The following GALNTL6 variants were observed in gnomAD, a reference collection of about 807,000 sequenced individuals.
GALNTL6 encodes polypeptide N-acetylgalactosaminyltransferase-like 6.
A neutral mutation model predicts 73.7 loss-of-function variants in GALNTL6; 46 were observed. That is an observed-to-expected ratio of 0.62 (90% CI 0.49 to 0.80). The LOEUF (loss-of-function observed/expected upper bound fraction) is 0.80, where lower values mean the gene tolerates loss of function less well. Ranked by LOEUF, GALNTL6 falls within the 30% of genes least tolerant of loss-of-function variation. The probability of loss-of-function intolerance (pLI) is 0.00; values close to 1 mark genes in which losing one functional copy is unlikely to be tolerated. For synonymous variants in GALNTL6, 259 were observed against 263.7 expected, an observed-to-expected ratio of 0.98 and a Z score of 0.17; for missense variants, 604 against 755.0, an observed-to-expected ratio of 0.80 and a Z score of 2.34.
At chr4:172,445,257 T>C (rs1731978846) in intron 5 of GALNTL6, among the ~76,000 whole-genome samples, 1 of 152,154 alleles carries the variant, frequency 6.6e-6, no homozygotes, top group South Asian at 2.1e-4. Flanking sequence ...TACAAGAAGG[T>C]TCCCATTTCC....
Position 171,989,972 on chromosome 4 carries a change from G to T in GALNTL6, c.138+175254G>T, listed in dbSNP as rs184560244. 5.8e-3 allele frequency among the ~76,000 whole-genome samples: 880 copies of T among 152,208 alleles called. 4 individuals carry two copies. The highest frequency in any genetic ancestry group is 0.02 in the African/African-American group (825 of 41,520). ...CCAGCCACCTTTTTAAGAGCAAATT[G>T]CTGGGCAGGTGGGGGAGGGCTAGTC... On this transcript the variant is annotated intron_variant, in intron 2 of 12. Coordinates refer to ENST00000506823, the MANE Select transcript of GALNTL6 (RefSeq NM_001034845.3).
At chr4:172,208,030 A>G (rs147374929) in intron 2 of GALNTL6, among the ~76,000 whole-genome samples, 65 of 152,346 alleles carry the variant, frequency 4.3e-4, no homozygotes, top group Middle Eastern at 3.4e-3. Context: ...GGAACCGAGT[A>G]TTAGTGGGAG....
chr4:172,547,621 A>G (rs527359777), intron 5 of GALNTL6, among the ~76,000 whole-genome samples: 1 of 152,260 alleles, frequency 6.6e-6, no homozygotes, highest in African/African-American at 2.4e-5. Context: ...TTCCTCCTGA[A>G]GACAATCTCA....
chr4:172,691,918 A>G (rs1733327453), intron 5 of GALNTL6, among the ~76,000 whole-genome samples: 1 of 152,228 alleles, frequency 6.6e-6, no homozygotes, highest in African/African-American at 2.4e-5. Context: ...ACCTTTACAT[A>G]AAGCCTGAAA....
intron 2 of GALNTL6, among the ~76,000 whole-genome samples, chr4:171,985,629 C>CTGT (rs1740048515): frequency 6.6e-6 from 1 of 152,014 alleles, no homozygotes; most frequent in African/African-American, 2.4e-5. Context: ...AAACAAAACC[C>CTGT]ACTACATGTT....
At chr4:172,520,377 C>T (rs1734737577) in intron 5 of GALNTL6, among the ~76,000 whole-genome samples, 1 of 151,926 alleles carries the variant, frequency 6.6e-6, no homozygotes, top group Admixed American at 6.6e-5. Flanking sequence ...CACTAGACAA[C>T]TGTTAATGGA....
rs141647230 is a variant in GALNTL6, at chr4:172,223,799, C to T, written c.139-5857C>T. Among the ~76,000 whole-genome samples the T allele has an allele frequency of 6.2e-3, 949 of 152,218 alleles. 10 individuals carry two copies. Among genetic ancestry groups the T allele is most frequent in the African/African-American group, 0.022 (917 of 41,556 alleles). On this transcript the variant is annotated intron_variant, in intron 2 of 12. Coordinates refer to ENST00000506823, the MANE Select transcript of GALNTL6 (RefSeq NM_001034845.3). ...TAAACCTTTCTAAACACTAGTTTAT[C>T]ACCTGGTTCTTAGTATTCATGTGGA...
intron 2 of GALNTL6, among the ~76,000 whole-genome samples, chr4:171,894,145 T>C (rs545527609): frequency 3.3e-5 from 5 of 152,244 alleles, no homozygotes; most frequent in South Asian, 2.1e-4. Context: ...GAATTGTTCA[T>C]GTATAATTTA....
rs1323460008 is a variant in GALNTL6, at chr4:172,198,309, A to G, written c.139-31347A>G. 1.2e-4 allele frequency among the ~76,000 whole-genome samples: 18 copies of G among 152,162 alleles called. No homozygotes were observed. The East Asian group carries it at 3.5e-3, about 29-fold the overall frequency. On this transcript the variant is annotated intron_variant, in intron 2 of 12. Coordinates refer to ENST00000506823, the MANE Select transcript of GALNTL6 (RefSeq NM_001034845.3). ...AAAAAAATAAAACAAAAATCCTATC[A>G]TCAGCGCAAACAGAAAACCTACATA...
intron 5 of GALNTL6, among the ~76,000 whole-genome samples, chr4:172,760,893 C>A (rs1738046485): frequency 6.6e-6 from 1 of 152,104 alleles, no homozygotes; most frequent in Non-Finnish European, 1.5e-5. Context: ...ACAAAGTAAC[C>A]CGAACGGTTG....
chr4:172,255,308 A>G (rs532668138), intron 3 of GALNTL6, among the ~76,000 whole-genome samples: 1 of 67,288 alleles, frequency 1.5e-5, no homozygotes, highest in East Asian at 2.6e-4. Context: ...TTTTTAAATC[A>G]CTGTGCTGAG....
At chr4:172,347,396 C>T (rs942009426) in intron 4 of GALNTL6, among the ~76,000 whole-genome samples, 4 of 152,148 alleles carry the variant, frequency 2.6e-5, no homozygotes, top group Non-Finnish European at 5.9e-5. Context: ...CAATTGGCTT[C>T]ATTGGGGATA....
At chr4:172,659,931 A>G (rs1731281178) in intron 5 of GALNTL6, among the ~76,000 whole-genome samples, 2 of 152,120 alleles carry the variant, frequency 1.3e-5, no homozygotes, top group African/African-American at 4.8e-5. Flanking sequence ...CTTACAACAC[A>G]TCTCTTACTA....
chr4:172,962,211 T>A (rs1750091140), intron 10 of GALNTL6, among the ~76,000 whole-genome samples: 1 of 152,192 alleles, frequency 6.6e-6, no homozygotes, highest in Admixed American at 6.5e-5. Context: ...TCACTTCTTT[T>A]GTGGTGGAAT....
At chr4:172,274,109 A>G (rs927195258) in intron 3 of GALNTL6, among the ~76,000 whole-genome samples, 1 of 152,160 alleles carries the variant, frequency 6.6e-6, no homozygotes, top group African/African-American at 2.4e-5. Context: ...AATGTATCCT[A>G]TTATGGATTT....
chr4:172,323,420 A>C (rs557621570), intron 4 of GALNTL6, among the ~76,000 whole-genome samples: 2 of 152,178 alleles, frequency 1.3e-5, no homozygotes, highest in Non-Finnish European at 2.9e-5. Context: ...CACAATTACT[A>C]TGTAAATTGG....
intron 8 of GALNTL6, among the ~76,000 whole-genome samples, chr4:172,909,303 G>GT (rs1397667766): frequency 3.4e-5 from 5 of 145,900 alleles, no homozygotes; most frequent in Admixed American, 1.4e-4. Flanking sequence ...TCCTAAGTGT[G>GT]TTTTAAAAAA....
chr4:172,566,591 C>G (rs1312655759), intron 5 of GALNTL6, among the ~76,000 whole-genome samples: 4 of 150,878 alleles, frequency 2.7e-5, no homozygotes, highest in Admixed American at 2.0e-4. Flanking sequence ...AAAAAAATCT[C>G]AAATAAACAA....
chr4:172,886,917 T>C (rs964819370), intron 8 of GALNTL6, among the ~76,000 whole-genome samples: 1 of 152,194 alleles, frequency 6.6e-6, no homozygotes, highest in Non-Finnish European at 1.5e-5. Flanking sequence ...TGGGTTATAA[T>C]TGAATGCATC....
Sources: allele counts gnomAD v4.1 joint callset (sites outside exome capture counted in the v4.1 genomes callset), GRCh38; gene constraint gnomAD v4.1.1; transcripts MANE v1.5; gene names NCBI Gene and HGNC (gene_info 2026-07-23, HGNC 2026-07-21).